Variants in NPC1 observed in about 807,000 individuals in gnomAD.
NPC1 encodes NPC intracellular cholesterol transporter 1.
Under a neutral mutation model 140.4 loss-of-function variants are expected in NPC1, and 85 were observed. That is an observed-to-expected ratio of 0.61 (90% CI 0.51 to 0.72). The LOEUF is 0.72. Ranked by LOEUF, NPC1 falls within the 30% of genes least tolerant of loss-of-function variation. NPC1 has a pLI of 0.00. For missense variants in NPC1, 1,504 were observed against 1,623.8 expected (o/e 0.93, Z 1.27); for synonymous variants, 656 against 624.8 (o/e 1.05, Z -0.74).
At chr18:23,566,075 A>G (rs567482444) in intron 4 of NPC1, among the ~76,000 whole-genome samples, 1 of 152,254 alleles carries the variant, frequency 6.6e-6, no homozygotes, top group East Asian at 1.9e-4. Flanking sequence ...ACTATCAGTC[A>G]TACCATTTCA....
At chr18:23,527,752 A>G (rs189340654), downstream of NPC1, 89 of 1,489,978 alleles carry the variant, frequency 6.0e-5, no homozygotes, top group African/African-American at 1.1e-3. Flanking sequence ...TGAAGCTGAC[A>G]TGAAGTTGGT....
At chr18:23,527,568 A>C, downstream of NPC1, among the ~76,000 whole-genome samples, 1 of 142,598 alleles carries the variant, frequency 7.0e-6, no homozygotes, top group Non-Finnish European at 1.5e-5. Flanking sequence ...GGCATGTGCC[A>C]CTGAGCCTGG....
Position 23,539,344 on chromosome 18 carries a change from G to T in NPC1, c.2911+11C>A, listed in dbSNP as rs768005251. Reference sequence around the variant, plus strand: ...AGCAAAACAGGAAAGATTTGGTAAAGGAGAAGGTACCTGAAGCATTGCAGA... The same window carrying T: ...AGCAAAACAGGAAAGATTTGGTAAATGAGAAGGTACCTGAAGCATTGCAGA... On this transcript the variant is annotated intron_variant, in intron 19 of 24. Coordinates refer to ENST00000269228, the MANE Select transcript of NPC1 (RefSeq NM_000271.5). 1 of 1,583,238 alleles carries T rather than the reference G, an allele frequency of 6.3e-7. No individual in the cohort carries two copies. Among genetic ancestry groups the T allele is most frequent in the Non-Finnish European group, 8.7e-7 (1 of 1,152,084 alleles).
At chr18:23,543,847 A>T (rs1005673025) in intron 13 of NPC1, among the ~76,000 whole-genome samples, 1 of 152,184 alleles carries the variant, frequency 6.6e-6, no homozygotes. Context: ...GGACCAGTGA[A>T]CATCACTCTC....
rs1443928818 is a variant in NPC1 at position 23,543,324 on chromosome 18, G to A, written c.2245+131C>T. On this transcript the variant is annotated intron_variant, in intron 14 of 24. Coordinates refer to ENST00000269228, the MANE Select transcript of NPC1 (RefSeq NM_000271.5). Reference sequence around the variant, plus strand: ...AGCCTGGGTGGCAGAGTGAGACTCCGTCTCAGAGAAAAAAAAAAAAAAGAA... The same window carrying A: ...AGCCTGGGTGGCAGAGTGAGACTCCATCTCAGAGAAAAAAAAAAAAAAGAA... 8.0e-5 allele frequency: 47 copies of A among 586,102 alleles called. No individual in the cohort carries two copies. In the East Asian group the frequency reaches 1.3e-3, roughly 16 times the overall value. 36.3% of individuals were successfully genotyped at this position (586,102 alleles called of 1,614,324 possible).
intron 4 of NPC1, among the ~76,000 whole-genome samples, chr18:23,562,656 A>AAG (rs1413382774): frequency 6.6e-6 from 1 of 151,926 alleles, no homozygotes; most frequent in Non-Finnish European, 1.5e-5. Context: ...TCATTGTCTT[A>AAG]AGGTGATTTG....
downstream of NPC1, chr18:23,529,609 G>C (rs765444816): frequency 1.2e-6 from 2 of 1,600,462 alleles, no homozygotes; most frequent in East Asian, 2.2e-5. Context: ...GTTGGTATTT[G>C]TAAGACCACA....
rs565554675 is a variant in NPC1 at position 23,543,143 on chromosome 18, C to G, written c.2245+312G>C. ...AGGAGTTCGAGACCAGCCTGGCCAA[C>G]ATGGTGAAACCCCATCTCTATTAAA... On this transcript the variant is annotated intron_variant, in intron 14 of 24. Coordinates refer to ENST00000269228, the MANE Select transcript of NPC1 (RefSeq NM_000271.5). Among the ~76,000 whole-genome samples the G allele has an allele frequency of 2.2e-4, 34 of 152,140 alleles. 1 individual carries two copies. The highest frequency in any genetic ancestry group is 8.2e-4 in the African/African-American group (34 of 41,496).
rs1358733869 is a variant in NPC1 at position 23,544,337 on chromosome 18, A to C, written c.2130+7T>G. ...ATGCTGAGCCCTGTGAGAATATGGAAGTATACCTGGTAGGCCTGCACCAGA... is the reference window on the plus strand; with the variant it reads ...ATGCTGAGCCCTGTGAGAATATGGACGTATACCTGGTAGGCCTGCACCAGA... On this transcript the variant is annotated splice_region_variant and intron_variant, in intron 13 of 24. Transcript: ENST00000269228. 6.2e-7 allele frequency: 1 copy of C among 1,613,850 alleles called. No individual in the cohort carries two copies. Among genetic ancestry groups the C allele is most frequent in the Non-Finnish European group, 8.5e-7 (1 of 1,179,796 alleles).
chr18:23,547,672 G>A (rs576099605), intron 11 of NPC1, among the ~76,000 whole-genome samples: 15 of 152,252 alleles, frequency 9.9e-5, no homozygotes, highest in African/African-American at 3.1e-4. Flanking sequence ...AGCCTAGGAG[G>A]TTGAGGCTGC....
Position 23,556,294 on chromosome 18 carries a change from C to T in NPC1, c.1275G>A (p.Ser425=), listed in dbSNP as rs190032589. 2.2e-5 allele frequency: 36 copies of T among 1,614,052 alleles called. No homozygotes were observed. In the East Asian group the frequency reaches 4.7e-4, roughly 21 times the overall value. The change falls in exon 8 of 25, where the codon TCG becomes TCA. Residue 425 remains serine (S), a synonymous_variant. Transcript: ENST00000269228. ...TDKHIYQPYP[S]GADVPFGPPL... ...GAGGTCCAAAGGGTACATCAGCTCC[C>T]GAAGGGTATGGCTGGTAAATGTGTT...
At chr18:23,570,846 G>T (rs557659661) in intron 3 of NPC1, among the ~76,000 whole-genome samples, 1 of 152,298 alleles carries the variant, frequency 6.6e-6, no homozygotes, top group Non-Finnish European at 1.5e-5. Context: ...AAACCAGCCA[G>T]CTACAGCAGA....
At chr18:23,561,982 C>T (rs2059047346) in intron 4 of NPC1, among the ~76,000 whole-genome samples, 1 of 152,134 alleles carries the variant, frequency 6.6e-6, no homozygotes, top group African/African-American at 2.4e-5. Context: ...GAGCAGAGGT[C>T]ACGTGTCAAT....
chr18:23,572,536 T>C (rs2059218483), intron 2 of NPC1, among the ~76,000 whole-genome samples: 1 of 152,210 alleles, frequency 6.6e-6, no homozygotes, highest in Non-Finnish European at 1.5e-5. Flanking sequence ...ATAATTATGA[T>C]GAAAGCAGCA....
chr18:23,541,430 G>A lies in NPC1; in HGVS notation c.2249C>T (p.Ala750Val). 2 of 1,614,232 alleles carry A rather than the reference G, an allele frequency of 1.2e-6. No individual in the cohort carries two copies. The highest frequency in any genetic ancestry group is 1.7e-6 in the Non-Finnish European group (2 of 1,180,044). ...FSETVAFFLG[A>V]LSVMPAVHTF... ...GTGCACGGCTGGCATCACGGACAAT[G>A]CTCCTGTCGGGGAGAGAAGGGCTCT... Residue 750 changes from alanine (A) to valine (V), a missense_variant, in exon 15 of 25, where the codon GCA (alanine) becomes GTA (valine). Ala to Val is a moderately conservative substitution (Grantham distance 64, BLOSUM62 0). Coordinates refer to ENST00000269228, the MANE Select transcript of NPC1 (RefSeq NM_000271.5).
chr18:23,567,665 T>G (rs1209391209), intron 4 of NPC1, among the ~76,000 whole-genome samples: 1 of 152,254 alleles, frequency 6.6e-6, no homozygotes, highest in Non-Finnish European at 1.5e-5. Context: ...TCCAGGTTTA[T>G]ATGCATTTAG....
chr18:23,540,916 T>C, intron 16 of NPC1, 152 bp downstream of exon 16: 3 of 861,806 alleles, frequency 3.5e-6, no homozygotes, highest in Non-Finnish European at 5.7e-6. Flanking sequence ...GGAAAAACAT[T>C]TTATCTACTG....
At chr18:23,575,451 C>T (rs2059261455) in intron 1 of NPC1, among the ~76,000 whole-genome samples, 1 of 152,030 alleles carries the variant, frequency 6.6e-6, no homozygotes. Context: ...GGGATCACAC[C>T]TGGAGCAGGT....
In NPC1 at chr18:23,532,356, C is replaced by T. The variant is rs144276146; in HGVS notation, c.3755-72G>A. On this transcript the variant is annotated intron_variant, in intron 24 of 24. Coordinates refer to ENST00000269228, the MANE Select transcript of NPC1 (RefSeq NM_000271.5). ...CTAGTTGGCTGGGCATAGTGGCTCA[C>T]GCCTGTAATCCCACTTTGGAAGACT... 55 of 1,541,370 alleles carry T rather than the reference C, an allele frequency of 3.6e-5. 1 individual carries two copies. The highest frequency in any genetic ancestry group is 1.2e-4 in the Admixed American group (7 of 59,862).
Sources: gnomAD v4.1 joint callset for allele counts (sites outside exome capture counted in the v4.1 genomes callset) on GRCh38, gnomAD v4.1.1 for gene constraint, MANE v1.5 for transcripts, NCBI Gene and HGNC (gene_info 2026-07-23, HGNC 2026-07-21) for gene names.